PTPRG: variants seen among roughly 807,000 people sequenced by gnomAD.
PTPRG encodes receptor-type tyrosine-protein phosphatase gamma.
Under a neutral mutation model 165.3 loss-of-function variants are expected in PTPRG, and 102 were observed. The ratio of observed to expected loss-of-function variants is 0.62; its 90% CI spans 0.53 to 0.73. The LOEUF (loss-of-function observed/expected upper bound fraction) is 0.73. Among genes scored for constraint, PTPRG ranks in the 30% least tolerant of loss-of-function variants. The pLI is 0.00. For missense variants in PTPRG, 1,866 were observed against 1,861.4 expected (o/e 1.00, Z -0.05); for synonymous variants, 675 against 669.5 (o/e 1.01, Z -0.13).
chr3:61,886,421 T>C (rs1257473928), intron 2 of PTPRG, among the ~76,000 whole-genome samples: 1 of 152,178 alleles, frequency 6.6e-6, no homozygotes, highest in Non-Finnish European at 1.5e-5. Context: ...GTAGAGAGTA[T>C]TTTTGAATAT....
intron 4 of PTPRG, among the ~76,000 whole-genome samples, chr3:62,038,963 G>A (rs1290821920): frequency 1.3e-5 from 2 of 151,928 alleles, no homozygotes; most frequent in African/African-American, 4.8e-5. Flanking sequence ...GAGACAGAGT[G>A]TTGCTCTGTT....
In PTPRG at chr3:62,277,068, TATAA is replaced by T. The variant is rs1325751560; in HGVS notation, c.3636+26_3636+29del. 2.5e-6 allele frequency: 4 copies of T among 1,594,956 alleles called. No individual in the cohort carries two copies. The highest frequency in any genetic ancestry group is 2.7e-5 in the African/African-American group (2 of 74,388). ...ATCATGGTGAGAGTCAACAGTTAAT[TATAA>T]ATAAAGTCAACTAAACTGAAAGGTG... is the stretch of plus-strand genomic sequence containing the variant. On this transcript the variant is annotated intron_variant, in intron 25 of 29. Coordinates refer to ENST00000474889, the MANE Select transcript of PTPRG (RefSeq NM_002841.4).
chr3:62,293,178 C>G lies in PTPRG; in HGVS notation c.4209C>G (p.Ile1403Met). The change falls in exon 30 of 30, where the codon ATC becomes ATG. Residue 1403 changes from isoleucine to methionine, a missense_variant. Coordinates refer to ENST00000474889, the MANE Select transcript of PTPRG (RefSeq NM_002841.4). ...TTTTTCAGGAACAATACCAGTTCAT[C>G]TATAAAGCAATGCTTAGCTTGGTCA... Reference protein sequence around the residue: ...VFTDIEQYQFIYKAMLSLVST... With the variant: ...VFTDIEQYQFMYKAMLSLVST... The G allele has an allele frequency of 6.3e-7, 1 of 1,597,366 alleles. No homozygotes were observed. Among genetic ancestry groups the G allele is most frequent in the Non-Finnish European group, 8.5e-7 (1 of 1,174,562 alleles).
chr3:61,988,567 C>A (rs1291663825), intron 2 of PTPRG, among the ~76,000 whole-genome samples: 2 of 152,146 alleles, frequency 1.3e-5, no homozygotes, highest in Non-Finnish European at 2.9e-5. Context: ...GCACAAAAAT[C>A]CCCACCCATC....
At chr3:61,997,160 A>T (rs2041058767) in intron 3 of PTPRG, among the ~76,000 whole-genome samples, 1 of 152,154 alleles carries the variant, frequency 6.6e-6, no homozygotes, top group African/African-American at 2.4e-5. Context: ...TGGATATCTG[A>T]GGTTGCTCTT....
At chr3:61,620,773 T>A (rs1701427671) in intron 1 of PTPRG, among the ~76,000 whole-genome samples, 2 of 151,886 alleles carry the variant, frequency 1.3e-5, no homozygotes, top group Admixed American at 1.3e-4. Context: ...GGATTACAAG[T>A]GTGTGCCACC....
At chr3:61,954,484 G>T (rs911438257) in intron 2 of PTPRG, among the ~76,000 whole-genome samples, 3 of 152,168 alleles carry the variant, frequency 2.0e-5, no homozygotes, top group Non-Finnish European at 4.4e-5. Flanking sequence ...TTGATGTTCT[G>T]TATAGGGCTG....
intron 2 of PTPRG, among the ~76,000 whole-genome samples, chr3:61,952,118 GAAAAAAAAAAA>G (rs35655816): frequency 5.0e-5 from 4 of 79,692 alleles, no homozygotes; most frequent in African/African-American, 1.4e-4. Context: ...CTCCACCTCA[GAAAAAAAAAAA>G]AAAAAAAAAA....
intron 1 of PTPRG, among the ~76,000 whole-genome samples, chr3:61,607,337 A>G (rs1701039311): frequency 6.6e-6 from 1 of 152,162 alleles, no homozygotes; most frequent in Middle Eastern, 3.2e-3. Context: ...TTAAATACTT[A>G]GAATATTGTC....
intron 2 of PTPRG, among the ~76,000 whole-genome samples, chr3:61,755,912 A>G (rs2033619449): frequency 6.6e-6 from 1 of 152,186 alleles, no homozygotes; most frequent in Non-Finnish European, 1.5e-5. Flanking sequence ...GTTTAAGACC[A>G]CTGGTTGTAG....
At chr3:62,163,807 C>A (rs980854108) in intron 7 of PTPRG, among the ~76,000 whole-genome samples, 5 of 152,196 alleles carry the variant, frequency 3.3e-5, no homozygotes, top group Admixed American at 2.0e-4. Flanking sequence ...GCTGTTACCT[C>A]CATTGTACAA....
chr3:62,064,498 C>CT (rs1279178680), intron 4 of PTPRG, among the ~76,000 whole-genome samples: 1 of 112,852 alleles, frequency 8.9e-6, no homozygotes. Flanking sequence ...TAATTTCTTC[C>CT]TTCCCCTCCG....
chr3:62,058,471 G>T (rs1234760283), intron 4 of PTPRG, among the ~76,000 whole-genome samples: 2 of 152,072 alleles, frequency 1.3e-5, no homozygotes, highest in African/African-American at 2.4e-5. Context: ...CCAGCTGGAT[G>T]TTCATTTTAA....
chr3:61,835,890 A>C (rs534584434), intron 2 of PTPRG, among the ~76,000 whole-genome samples: 8 of 151,760 alleles, frequency 5.3e-5, no homozygotes, highest in Admixed American at 3.3e-4. Context: ...AAAATGCAAA[A>C]TTAGCCAGGC....
At chr3:61,575,896 C>A (rs1700164955) in intron 1 of PTPRG, among the ~76,000 whole-genome samples, 1 of 152,182 alleles carries the variant, frequency 6.6e-6, no homozygotes, top group Admixed American at 6.5e-5. Context: ...ATATTATAGA[C>A]ATGAGCCACT....
chr3:62,080,309 C>T (rs988646283), intron 5 of PTPRG, among the ~76,000 whole-genome samples: 3 of 151,746 alleles, frequency 2.0e-5, no homozygotes, highest in African/African-American at 4.8e-5. Flanking sequence ...CTCTCAACCT[C>T]ACGTGATCCG....
intron 9 of PTPRG, among the ~76,000 whole-genome samples, chr3:62,194,829 C>T (rs1172331210): frequency 1.3e-5 from 2 of 151,916 alleles, no homozygotes; most frequent in African/African-American, 4.8e-5. Flanking sequence ...AATAATGTTA[C>T]TCTTTCCTGT....
chr3:61,938,507 G>A (rs979107500), intron 2 of PTPRG, among the ~76,000 whole-genome samples: 1 of 152,174 alleles, frequency 6.6e-6, no homozygotes, highest in Non-Finnish European at 1.5e-5. Context: ...AATGCCAGTT[G>A]AGAGGGGAAA....
intron 2 of PTPRG, among the ~76,000 whole-genome samples, chr3:61,893,605 GAC>G (rs768457404): frequency 6.6e-6 from 1 of 152,148 alleles, no homozygotes; most frequent in African/African-American, 2.4e-5. Context: ...TTTTTGGTAA[GAC>G]AGGTTTTCTT....
Sources: gnomAD v4.1 joint callset for allele counts (sites outside exome capture counted in the v4.1 genomes callset) on GRCh38, gnomAD v4.1.1 for gene constraint, MANE v1.5 for transcripts, NCBI Gene and HGNC (gene_info 2026-07-23, HGNC 2026-07-21) for gene names.